Variants in RTKN observed in about 807,000 individuals in gnomAD.
RTKN encodes rhotekin.
In RTKN, 49 loss-of-function variants were observed where a neutral mutation model predicts 63.5. That is an observed-to-expected ratio of 0.77 (90% confidence interval 0.61 to 0.98). The LOEUF is 0.98. RTKN is among the 50% of genes least tolerant of loss of function. RTKN has a pLI of 0.00. For synonymous variants in RTKN, 295 were observed against 290.4 expected (o/e 1.02, Z -0.16); for missense variants, 685 against 740.8 (o/e 0.92, Z 0.87).
chr2:74,431,040 T>G, intron 2 of RTKN: 1 of 241,334 alleles, frequency 4.1e-6, no homozygotes, highest in Non-Finnish European at 8.0e-6. Context: ...ATTAAACCCC[T>G]GGCTTAGAGG....
At chr2:74,432,035 T>G (rs531927405) in intron 2 of RTKN, 1 of 314,826 alleles carries the variant, frequency 3.2e-6, no homozygotes, top group East Asian at 9.1e-5. Flanking sequence ...AAGTGGTTTC[T>G]TATTTCCTTT....
intron 1 of RTKN, chr2:74,440,547 G>A (rs777168593): frequency 1.3e-4 from 127 of 985,910 alleles, no homozygotes; most frequent in Admixed American, 2.5e-4. Flanking sequence ...CGGCCGCCAG[G>A]CCCTGCGGCT....
chr2:74,433,257 C>CAT lies in RTKN; in HGVS notation c.112-593_112-592dup, dbSNP rs1262494465. ...GACTCTGGCTCAAAAAAAAAAAAAA[C>CAT]ATATATATATATATATAAAACAAAT... On this transcript the variant is annotated intron_variant, in intron 1 of 11. Coordinates refer to ENST00000272430, the MANE Select transcript of RTKN (RefSeq NM_001015055.2). 3.6e-3 allele frequency among the ~76,000 whole-genome samples: 520 copies of CAT among 144,340 alleles called. 3 individuals are homozygous for CAT. Among genetic ancestry groups the CAT allele is most frequent in the African/African-American group, 4.6e-3 (182 of 39,512 alleles). The allele number at this position is 144,340 out of a possible 152,430, so 94.7% of individuals were successfully genotyped here. A position where few individuals can be genotyped will look rare whatever the true frequency, so the allele number is the denominator to read the frequency against.
Position 74,428,316 on chromosome 2 carries a change from C to T in RTKN, c.1038G>A (p.Glu346=). 1 of 1,614,198 alleles carries T rather than the reference C, an allele frequency of 6.2e-7. No homozygotes were observed. Among genetic ancestry groups the T allele is most frequent in the Non-Finnish European group, 8.5e-7 (1 of 1,180,030 alleles). The change falls in exon 9 of 12, where the codon GAG becomes GAA. Residue 346 remains glutamate, a synonymous_variant. Coordinates refer to ENST00000272430, the MANE Select transcript of RTKN (RefSeq NM_001015055.2). Reference sequence around the variant, plus strand: ...GCGGCTCTTCCCCAGTGTCTGCATCCTCAGGTTGCCGGTAACAGAAGAGGT... The same window carrying T: ...GCGGCTCTTCCCCAGTGTCTGCATCTTCAGGTTGCCGGTAACAGAAGAGGT... The part of the protein sequence containing the change: ...GTNLFCYRQP[E]DADTGEEPLL...
intron 1 of RTKN, among the ~76,000 whole-genome samples, chr2:74,433,913 T>C (rs1670907702): frequency 6.6e-6 from 1 of 152,128 alleles, no homozygotes; most frequent in East Asian, 1.9e-4. Context: ...GATATGCACA[T>C]GTATGCAGAT....
intron 1 of RTKN, chr2:74,440,691 C>G: frequency 2.3e-6 from 1 of 444,202 alleles, no homozygotes; most frequent in Non-Finnish European, 3.0e-6. Context: ...GTTCCTCGGG[C>G]CCAGTCGCTT....
In RTKN at chr2:74,441,807, G is replaced by A. The variant is rs774837707; in HGVS notation, c.10C>T (p.Arg4Ter). The A allele has an allele frequency of 4.4e-6, 7 of 1,608,642 alleles. No homozygotes were observed. Among genetic ancestry groups the A allele is most frequent in the South Asian group, 1.1e-5 (1 of 90,116 alleles). Residue 4 changes from arginine (R) to a stop codon, truncating the protein, a stop_gained, in exon 1 of 12, where the codon CGA becomes TGA. Coordinates refer to ENST00000272430, the MANE Select transcript of RTKN (RefSeq NM_001015055.2). LOFTEE classifies it high-confidence loss of function. The part of the protein sequence containing the change: MFS[R>*]NHRSRVTVAR... ...ACGGTGACCCGGCTCCGGTGGTTTC[G>A]GGAGAACATGCTGGCGGCCCTGCGA... is the stretch of plus-strand genomic sequence containing the variant.
chr2:74,431,642 C>T, intron 2 of RTKN: 1 of 152,488 alleles, frequency 6.6e-6, no homozygotes, highest in Non-Finnish European at 1.5e-5. Flanking sequence ...CATGGGATAG[C>T]CATACAGTGG....
Position 74,430,603 on chromosome 2 carries a change from C to G in RTKN, c.373+13G>C. ...CAAGGGGTACCAGCAGCTGGGGTAGCTGTGCTTCTTACCAGAGATGCAGAC... is the reference window on the plus strand; with the variant it reads ...CAAGGGGTACCAGCAGCTGGGGTAGGTGTGCTTCTTACCAGAGATGCAGAC... On this transcript the variant is annotated intron_variant, in intron 3 of 11. Transcript: ENST00000272430. 6.2e-7 allele frequency: 1 copy of G among 1,614,136 alleles called. No homozygotes were observed. Among genetic ancestry groups the G allele is most frequent in the Non-Finnish European group, 8.5e-7 (1 of 1,179,996 alleles).
chr2:74,437,109 C>G (rs560185906), intron 1 of RTKN, among the ~76,000 whole-genome samples: 1 of 152,172 alleles, frequency 6.6e-6, no homozygotes, highest in Non-Finnish European at 1.5e-5. Flanking sequence ...AGAATCTCCA[C>G]CAGGGCTAAG....
chr2:74,441,843 T>C lies in RTKN; in HGVS notation c.-27A>G. On this transcript the variant is annotated 5_prime_UTR_variant, in exon 1 of 12. Transcript: ENST00000272430. ...CTGGCGGCCCTGCGACTTTGCCTGCTCAGTGCGCTCCCCGCGCCGCCCGGC... is the reference window on the plus strand; with the variant it reads ...CTGGCGGCCCTGCGACTTTGCCTGCCCAGTGCGCTCCCCGCGCCGCCCGGC... 2 of 1,457,088 alleles carry C rather than the reference T, an allele frequency of 1.4e-6. No homozygotes were observed. The highest frequency in any genetic ancestry group is 1.9e-6 in the Non-Finnish European group (2 of 1,049,410). The allele number at this position is 1,457,088 out of a possible 1,614,324, so 90.3% of individuals were successfully genotyped here.
chr2:74,434,469 G>T (rs1420421583), intron 1 of RTKN, among the ~76,000 whole-genome samples: 1 of 151,954 alleles, frequency 6.6e-6, no homozygotes, highest in African/African-American at 2.4e-5. Context: ...TAGTAGAGAC[G>T]GGGTTGCACC....
Position 74,426,417 on chromosome 2 carries a change from G to T in RTKN, c.1518C>A (p.Asp506Glu). ...CSPASVAPAP[D>E]WTHPLPWGRP... ...TCCCCCAGGGCAGGGGGTGGGTCCA[G>T]TCTGGGGCTGGGGCCACTGAGGCAG... Residue 506 changes from aspartate to glutamate, a missense_variant, in exon 12 of 12, where the codon GAC becomes GAA. Transcript: ENST00000272430. The T allele has an allele frequency of 6.2e-7, 1 of 1,612,334 alleles. No individual in the cohort carries two copies. The highest frequency in any genetic ancestry group is 1.3e-5 in the African/African-American group (1 of 75,036).
chr2:74,439,332 G>A (rs1189458563), intron 1 of RTKN, among the ~76,000 whole-genome samples: 1 of 152,164 alleles, frequency 6.6e-6, no homozygotes, highest in East Asian at 1.9e-4. Context: ...TCCTGAAATA[G>A]GTGTAAAGAC....
intron 9 of RTKN, chr2:74,427,905 C>A: frequency 2.1e-6 from 1 of 477,566 alleles, no homozygotes; most frequent in Non-Finnish European, 3.8e-6. Flanking sequence ...GCAGGAAAGC[C>A]CATAAAAGGG....
At chr2:74,434,646 C>T (rs1320006256) in intron 1 of RTKN, among the ~76,000 whole-genome samples, 1 of 152,172 alleles carries the variant, frequency 6.6e-6, no homozygotes, top group Non-Finnish European at 1.5e-5. Flanking sequence ...GAACTCCTGG[C>T]CTCAAGTGAT....
intron 6 of RTKN, 110 bp downstream of exon 6, chr2:74,429,718 C>A (rs1670624636): frequency 1.9e-6 from 2 of 1,037,522 alleles, no homozygotes; most frequent in African/African-American, 1.6e-5. Flanking sequence ...TATCTGTCTG[C>A]ACATCCTGGC....
chr2:74,435,800 G>A (rs1201706134), intron 1 of RTKN, among the ~76,000 whole-genome samples: 1 of 152,168 alleles, frequency 6.6e-6, no homozygotes, highest in Non-Finnish European at 1.5e-5. Context: ...AGTGGCTCCA[G>A]CCTTCAAGTC....
chr2:74,433,500 T>C (rs1670882082), intron 1 of RTKN, among the ~76,000 whole-genome samples: 1 of 151,452 alleles, frequency 6.6e-6, no homozygotes, highest in Non-Finnish European at 1.5e-5. Flanking sequence ...CATTTTTTTT[T>C]TTTTTTGAGA....
Sources: gnomAD v4.1 joint callset for allele counts (sites outside exome capture counted in the v4.1 genomes callset) on GRCh38, gnomAD v4.1.1 for gene constraint, MANE v1.5 for transcripts, NCBI Gene and HGNC (gene_info 2026-07-23, HGNC 2026-07-21) for gene names.